Variants in RBMS3 observed in about 807,000 individuals in gnomAD.
The protein encoded by RBMS3 is RNA-binding motif, single-stranded-interacting protein 3.
In RBMS3, 27 loss-of-function variants were observed where a neutral mutation model predicts 66.8. That is an observed-to-expected ratio of 0.40 (90% CI 0.30 to 0.56). The LOEUF (loss-of-function observed/expected upper bound fraction) is 0.56. Ranked by LOEUF, RBMS3 falls within the 20% of genes least tolerant of loss-of-function variation. RBMS3 has a pLI of 0.40. For missense variants in RBMS3, 513 were observed against 549.5 expected, an observed-to-expected ratio of 0.93 and a Z score of 0.66; for synonymous variants, 188 against 183.0, an observed-to-expected ratio of 1.03 and a Z score of -0.22.
chr3:29,708,315 T>C (rs1318079330), intron 4 of RBMS3, among the ~76,000 whole-genome samples: 1 of 152,182 alleles, frequency 6.6e-6, no homozygotes, highest in African/African-American at 2.4e-5. Context: ...GATTATGTTG[T>C]TAAATAGTCA....
chr3:29,815,925 A>G (rs541861195), intron 6 of RBMS3, among the ~76,000 whole-genome samples: 1 of 151,906 alleles, frequency 6.6e-6, no homozygotes, highest in East Asian at 1.9e-4. Context: ...CTGTACTCCA[A>G]AAACTATTGA....
At chr3:29,944,348 A>G in intron 12 of RBMS3, 94 bp downstream of exon 12, 1 of 1,092,568 alleles carries the variant, frequency 9.2e-7, no homozygotes, top group South Asian at 1.3e-5. Context: ...GTGATTCTCA[A>G]CAGAGGTGGG....
intron 14 of RBMS3, among the ~76,000 whole-genome samples, chr3:30,001,327 A>G (rs1699598658): frequency 6.6e-6 from 1 of 152,074 alleles, no homozygotes; most frequent in Non-Finnish European, 1.5e-5. Context: ...TCATTTGGCT[A>G]TCTCTGAGAC....
chr3:29,587,524 T>C (rs9847589), intron 4 of RBMS3, among the ~76,000 whole-genome samples: 22,671 of 151,516 alleles, frequency 0.15, 1,951 homozygotes, highest in East Asian at 0.32. Flanking sequence ...AGGACACTCG[T>C]GAAGTGCTCT....
chr3:29,701,919 G>A (rs2052614029), intron 4 of RBMS3, among the ~76,000 whole-genome samples: 1 of 152,178 alleles, frequency 6.6e-6, no homozygotes, highest in Admixed American at 6.5e-5. Flanking sequence ...AGGCTGAGGA[G>A]TGCAGGCCCT....
chr3:29,675,064 G>A (rs139580422), intron 4 of RBMS3, among the ~76,000 whole-genome samples: 30 of 152,202 alleles, frequency 2.0e-4, no homozygotes, highest in African/African-American at 7.0e-4. Flanking sequence ...CATGGTTCTG[G>A]TACCAAAACA....
At chr3:29,944,699 G>C (rs1285662485) in intron 12 of RBMS3, among the ~76,000 whole-genome samples, 1 of 151,702 alleles carries the variant, frequency 6.6e-6, no homozygotes, top group African/African-American at 2.4e-5. Flanking sequence ...CCATTTGCTT[G>C]CTCAGCACCC....
intron 1 of RBMS3, among the ~76,000 whole-genome samples, chr3:29,304,523 G>A (rs142117711): frequency 3.2e-4 from 49 of 151,992 alleles, no homozygotes; most frequent in African/African-American, 2.2e-4. Context: ...ATTGACTGAC[G>A]TAAGGAAGGC....
intron 3 of RBMS3, among the ~76,000 whole-genome samples, chr3:29,562,874 A>G (rs934686043): frequency 6.6e-6 from 1 of 152,232 alleles, no homozygotes; most frequent in Admixed American, 6.5e-5. Context: ...TAATTCCTAC[A>G]GGGGAAGCCA....
chr3:30,005,717 T>C lies in RBMS3; in HGVS notation c.*1855T>C, dbSNP rs1699787938. The stretch of plus-strand genomic sequence containing the variant: ...CCTGTTTTCACTGTATTTTTGTATA[T>C]TGGTGTTGCCGAAAGAACTTTTTCT... On this transcript the variant is annotated 3_prime_UTR_variant, in exon 15 of 15. Transcript: ENST00000383767. 6.6e-6 allele frequency: 1 copy of C among 151,778 alleles called. No individual in the cohort carries two copies. Among genetic ancestry groups the C allele is most frequent in the Non-Finnish European group, 1.5e-5 (1 of 67,780 alleles). The allele number at this position is 151,778 out of a possible 1,614,324, so 9.4% of individuals were successfully genotyped here.
chr3:29,542,234 C>T (rs557232380), intron 3 of RBMS3, among the ~76,000 whole-genome samples: 2 of 152,266 alleles, frequency 1.3e-5, no homozygotes, highest in Non-Finnish European at 2.9e-5. Context: ...AACTATCCCC[C>T]TTTTTGCTTA....
intron 1 of RBMS3, among the ~76,000 whole-genome samples, chr3:29,356,566 C>T (rs1311178112): frequency 7.3e-6 from 1 of 136,598 alleles, no homozygotes; most frequent in African/African-American, 3.0e-5. Flanking sequence ...CATGATTATC[C>T]TAAACATTCT....
At chr3:29,743,249 G>A (rs569787941) in intron 5 of RBMS3, among the ~76,000 whole-genome samples, 56 of 152,204 alleles carry the variant, frequency 3.7e-4, no homozygotes, top group African/African-American at 1.2e-3. Context: ...TTGCACAAAT[G>A]TTTCTCCTTT....
intron 1 of RBMS3, among the ~76,000 whole-genome samples, chr3:29,422,543 G>A (rs565298851): frequency 9.6e-4 from 146 of 151,928 alleles, no homozygotes; most frequent in African/African-American, 3.4e-3. Context: ...TCCTCATAGA[G>A]GTTTATAATT....
At chr3:29,302,931 T>C (rs2033777630) in intron 1 of RBMS3, among the ~76,000 whole-genome samples, 1 of 152,046 alleles carries the variant, frequency 6.6e-6, no homozygotes, top group South Asian at 2.1e-4. Context: ...ATGTTTTATG[T>C]TGTGTATCGA....
chr3:29,537,923 A>G (rs1288164878), intron 3 of RBMS3, among the ~76,000 whole-genome samples: 4 of 152,062 alleles, frequency 2.6e-5, no homozygotes, highest in Non-Finnish European at 5.9e-5. Flanking sequence ...ATGATGAACT[A>G]CTAATACAAT....
At chr3:29,856,068 TA>T (rs1288026991) in intron 6 of RBMS3, among the ~76,000 whole-genome samples, 2 of 152,188 alleles carry the variant, frequency 1.3e-5, no homozygotes, top group African/African-American at 2.4e-5. Context: ...ATTTATAATT[TA>T]AAAAATATTT....
chr3:29,867,318 TG>T lies in RBMS3; in HGVS notation c.638-1539del, dbSNP rs529326512. Reference sequence around the variant, plus strand: ...TAAGACAATAATGCCACATATCAATTGTAACATCTTAGTGGCATGAAACAAT... The same window carrying T: ...TAAGACAATAATGCCACATATCAATTTAACATCTTAGTGGCATGAAACAAT... On this transcript the variant is annotated intron_variant, in intron 6 of 14. Coordinates refer to ENST00000383767, the MANE Select transcript of RBMS3 (RefSeq NM_001003793.3). 9.2e-5 allele frequency among the ~76,000 whole-genome samples: 14 copies of T among 151,914 alleles called. No homozygotes were observed. In the East Asian group the frequency reaches 2.5e-3, roughly 27 times the overall value.
chr3:29,579,500 G>T (rs1394091265), intron 3 of RBMS3, among the ~76,000 whole-genome samples: 1 of 152,184 alleles, frequency 6.6e-6, no homozygotes, highest in Non-Finnish European at 1.5e-5. Context: ...ATTTTAGTTA[G>T]GTTTGCCTAT....
Sources: allele counts gnomAD v4.1 joint callset (sites outside exome capture counted in the v4.1 genomes callset), GRCh38; gene constraint gnomAD v4.1.1; transcripts MANE v1.5; gene names NCBI Gene and HGNC (gene_info 2026-07-23, HGNC 2026-07-21).